Variants in ADAM7 observed in about 807,000 individuals in gnomAD.
The protein encoded by ADAM7 is ADAM metallopeptidase domain 7.
ADAM7 carries 97 observed loss-of-function variants against 102.9 expected under a neutral mutation model. The ratio of observed to expected loss-of-function variants is 0.94; its 90% CI spans 0.80 to 1.12. The LOEUF is 1.12. Among genes scored for constraint, ADAM7 ranks in the 50% most tolerant of loss-of-function variants. The probability of loss-of-function intolerance (pLI) is 0.00; values close to 1 mark genes in which losing one functional copy is unlikely to be tolerated. For synonymous variants in ADAM7, 334 were observed against 304.4 expected (o/e 1.10, Z -1.01); for missense variants, 991 against 908.7 (o/e 1.09, Z -1.16).
intron 7 of ADAM7, among the ~76,000 whole-genome samples, chr8:24,475,017 T>C (rs1260813970): frequency 6.6e-6 from 1 of 151,990 alleles, no homozygotes; most frequent in East Asian, 1.9e-4. Flanking sequence ...AGTTTATATA[T>C]CTCCACAATA....
At chr8:24,474,901 C>A (rs1417927010) in intron 7 of ADAM7, among the ~76,000 whole-genome samples, 3 of 151,736 alleles carry the variant, frequency 2.0e-5, no homozygotes, top group Non-Finnish European at 2.9e-5. Context: ...TCTCAAGGAA[C>A]AACAACAACA....
intron 7 of ADAM7, among the ~76,000 whole-genome samples, chr8:24,472,422 C>T (rs1031578644): frequency 4.0e-5 from 6 of 151,562 alleles, no homozygotes; most frequent in Admixed American, 3.3e-4. Flanking sequence ...TTACCACAAC[C>T]CAATTAGAAG....
At chr8:24,490,773 C>A (rs1191448065) in intron 12 of ADAM7, 26 bp from the exon 13 acceptor site, 1 of 1,605,288 alleles carries the variant, frequency 6.2e-7, no homozygotes, top group Admixed American at 1.7e-5. Flanking sequence ...ACCAATTTCT[C>A]ATCTCTCTTT....
At chr8:24,450,987 C>T (rs900160594) in intron 3 of ADAM7, among the ~76,000 whole-genome samples, 5 of 151,768 alleles carry the variant, frequency 3.3e-5, no homozygotes, top group African/African-American at 1.2e-4. Context: ...GCCTTGCATC[C>T]CAGGGATGAA....
At chr8:24,474,851 C>T (rs1335541835) in intron 7 of ADAM7, among the ~76,000 whole-genome samples, 2 of 152,042 alleles carry the variant, frequency 1.3e-5, no homozygotes, top group South Asian at 2.1e-4. Context: ...GCCATGTTCA[C>T]GCCACTGCAC....
chr8:24,485,085 G>T (rs1160105499), intron 9 of ADAM7, among the ~76,000 whole-genome samples, 192 bp from the exon 10 acceptor site: 1 of 152,024 alleles, frequency 6.6e-6, no homozygotes, highest in African/African-American at 2.4e-5. Context: ...CTTTTTCAAT[G>T]CCTCTAATAT....
intron 9 of ADAM7, among the ~76,000 whole-genome samples, chr8:24,483,068 A>G (rs1820014259): frequency 6.6e-6 from 1 of 152,092 alleles, no homozygotes; most frequent in Non-Finnish European, 1.5e-5. Flanking sequence ...CATCTTCTCT[A>G]CTATACAATT....
chr8:24,467,041 G>T, intron 6 of ADAM7, 53 bp downstream of exon 6: 1 of 1,503,042 alleles, frequency 6.7e-7, no homozygotes, highest in South Asian at 1.1e-5. Context: ...TTATTTTCTT[G>T]ATGATGTCTA....
rs771175231 is a variant in ADAM7 at position 24,489,226 on chromosome 8, C to T, written c.1159C>T (p.Pro387Ser). 1 of 1,613,524 alleles carries T rather than the reference C, an allele frequency of 6.2e-7. No homozygotes were observed. Among genetic ancestry groups the T allele is most frequent in the Non-Finnish European group, 8.5e-7 (1 of 1,179,684 alleles). Residue 387 changes from proline to serine, a missense_variant, in exon 12 of 22, where the codon CCA becomes TCA. Coordinates refer to ENST00000175238, the MANE Select transcript of ADAM7 (RefSeq NM_003817.4). ...QYHQYLKDYK[P>S]TCMLNIPFPY... ...CCACCAGTACTTGAAGGATTATAAG[C>T]CAACATGCATGCTCAACATTCCATT...
chr8:24,495,054 C>T (rs1217923103), intron 16 of ADAM7, among the ~76,000 whole-genome samples: 1 of 152,172 alleles, frequency 6.6e-6, no homozygotes. Flanking sequence ...GTGATGAATT[C>T]TTCCAACCCC....
At chr8:24,480,266 G>C (rs1353809970) in intron 8 of ADAM7, among the ~76,000 whole-genome samples, 2 of 152,112 alleles carry the variant, frequency 1.3e-5, no homozygotes, top group Non-Finnish European at 2.9e-5. Flanking sequence ...AAGATTTGTA[G>C]TTTAGATTGG....
intron 16 of ADAM7, among the ~76,000 whole-genome samples, chr8:24,496,314 C>T (rs572566034): frequency 1.2e-4 from 19 of 152,294 alleles, no homozygotes; most frequent in South Asian, 1.0e-3. Context: ...GCTGCAGGGG[C>T]GGGGCCCTCA....
intron 7 of ADAM7, among the ~76,000 whole-genome samples, chr8:24,470,191 A>G (rs1331949559): frequency 1.3e-5 from 2 of 152,196 alleles, no homozygotes; most frequent in African/African-American, 2.4e-5. Context: ...GTTTTAAACA[A>G]CAGAAGATAC....
At chr8:24,447,856 C>G (rs1818621424) in intron 3 of ADAM7, among the ~76,000 whole-genome samples, 1 of 151,608 alleles carries the variant, frequency 6.6e-6, no homozygotes, top group Admixed American at 6.6e-5. Context: ...GGATGAGGAG[C>G]TGTCAAATGC....
intron 3 of ADAM7, among the ~76,000 whole-genome samples, chr8:24,459,656 C>T (rs369011125): frequency 3.2e-4 from 49 of 152,106 alleles, no homozygotes; most frequent in African/African-American, 1.0e-3. Flanking sequence ...GATGGGTTTT[C>T]GCCTTGTTGC....
chr8:24,446,925 T>C (rs910671966), intron 2 of ADAM7, among the ~76,000 whole-genome samples: 1 of 149,352 alleles, frequency 6.7e-6, no homozygotes, highest in Non-Finnish European at 1.5e-5. Flanking sequence ...TAAACTATAA[T>C]ATAAAAGAAT....
At position 24,447,338 on chromosome 8, in the gene ADAM7, TGAAGAG is replaced by T. The variant is rs577253087; in HGVS notation, c.233+79_233+84del. 63 of 706,844 alleles carry T rather than the reference TGAAGAG, an allele frequency of 8.9e-5. No individual in the cohort carries two copies. In the African/African-American group the frequency reaches 1.1e-3, roughly 13 times the overall value. The allele number at this position is 706,844 out of a possible 1,614,324, so 43.8% of individuals were successfully genotyped here. The stretch of plus-strand genomic sequence containing the variant: ...AGCCAATTTTCGTAAAAACTGCCAG[TGAAGAG>T]GATTCCTCAATTTTTATTTGCACGT... On this transcript the variant is annotated intron_variant, in intron 3 of 21. Transcript: ENST00000175238.
chr8:24,482,517 G>A (rs546222132), intron 9 of ADAM7, among the ~76,000 whole-genome samples: 1 of 152,220 alleles, frequency 6.6e-6, no homozygotes, highest in South Asian at 2.1e-4. Flanking sequence ...GGAGACCAAA[G>A]TAGAAGGATT....
At chr8:24,467,132 AT>A (rs1351294755) in intron 6 of ADAM7, 144 bp downstream of exon 6, 13 of 779,960 alleles carry the variant, frequency 1.7e-5, no homozygotes, top group Non-Finnish European at 2.6e-5. Flanking sequence ...AAATTGGAAA[AT>A]TTTTTCTTGT....
Sources: allele counts gnomAD v4.1 joint callset (sites outside exome capture counted in the v4.1 genomes callset), GRCh38; gene constraint gnomAD v4.1.1; transcripts MANE v1.5; gene names NCBI Gene and HGNC (gene_info 2026-07-23, HGNC 2026-07-21).